Variants in ZFHX3 observed in about 807,000 individuals in gnomAD.
The protein encoded by ZFHX3 is zinc finger homeobox 3, also known as zinc finger homeobox protein 3.
Under a neutral mutation model 279.1 loss-of-function variants are expected in ZFHX3, and 42 were observed. That is an observed-to-expected ratio of 0.15 (90% CI 0.12 to 0.19). The LOEUF is 0.19. ZFHX3 is among the 10% of genes least tolerant of loss of function. ZFHX3 has a pLI of 1.00. For missense variants in ZFHX3, 4,981 were observed against 4,754.0 expected (o/e 1.05, Z -1.40); for synonymous variants, 2,293 against 1,957.8 (o/e 1.17, Z -4.52).
intron 3 of ZFHX3, among the ~76,000 whole-genome samples, chr16:73,452,661 T>C (rs560248959): frequency 1.3e-5 from 2 of 152,334 alleles, no homozygotes; most frequent in East Asian, 3.9e-4. Flanking sequence ...ACTAAGACAT[T>C]TGTGAAGACC....
At chr16:73,059,711 T>G (rs1965656880), upstream of ZFHX3, 1 of 152,124 alleles carries the variant, frequency 6.6e-6, no homozygotes, top group African/African-American at 2.4e-5. Context: ...AAATCTGAGA[T>G]TTTTTAACTG....
Position 72,981,274 on chromosome 16 carries a change from C to T in ZFHX3, c.-49-21080G>A, listed in dbSNP as rs1312468887. Reference sequence around the variant, plus strand: ...CAATATGCATCACGCCTGGGCATAGCACCTGACAGCCTTTATAAGTGGTAG... The same window carrying T: ...CAATATGCATCACGCCTGGGCATAGTACCTGACAGCCTTTATAAGTGGTAG... On this transcript the variant is annotated intron_variant, in intron 1 of 9. Coordinates refer to ENST00000268489, the MANE Select transcript of ZFHX3 (RefSeq NM_006885.4). Among the ~76,000 whole-genome samples, 7 of 152,248 alleles carry T rather than the reference C, an allele frequency of 4.6e-5. No individual in the cohort carries two copies. In the South Asian group the frequency reaches 1.2e-3, roughly 27 times the overall value.
At chr16:73,304,132 G>A (rs537308288) in intron 4 of ZFHX3, among the ~76,000 whole-genome samples, 4 of 152,226 alleles carry the variant, frequency 2.6e-5, no homozygotes, top group African/African-American at 9.6e-5. Flanking sequence ...TCAGCCTCAC[G>A]GAGCTTGCAG....
At chr16:73,097,060 C>G (rs1966173038) in intron 7 of ZFHX3, among the ~76,000 whole-genome samples, 1 of 151,744 alleles carries the variant, frequency 6.6e-6, no homozygotes, top group Non-Finnish European at 1.5e-5. Flanking sequence ...CCTTCCCTCC[C>G]TTCCTTCTTT....
intron 7 of ZFHX3, among the ~76,000 whole-genome samples, chr16:72,811,313 G>C (rs1358946676): frequency 1.3e-5 from 2 of 152,174 alleles, no homozygotes; most frequent in Non-Finnish European, 2.9e-5. Context: ...TCATATAAAT[G>C]GTTAGCTAAT....
At chr16:73,138,251 G>A (rs1222208155) in intron 6 of ZFHX3, among the ~76,000 whole-genome samples, 1 of 152,186 alleles carries the variant, frequency 6.6e-6, no homozygotes, top group Non-Finnish European at 1.5e-5. Flanking sequence ...ACATTGCAAT[G>A]TAATCACCCA....
intron 1 of ZFHX3, among the ~76,000 whole-genome samples, chr16:73,878,236 A>G (rs2030017505): frequency 6.6e-6 from 1 of 152,200 alleles, no homozygotes; most frequent in Non-Finnish European, 1.5e-5. Flanking sequence ...GAAACAGAAT[A>G]TCATGAAAAT....
intron 3 of ZFHX3, among the ~76,000 whole-genome samples, chr16:73,417,893 G>A (rs1253187423): frequency 1.4e-5 from 2 of 147,994 alleles, no homozygotes; most frequent in East Asian, 4.1e-4. Context: ...GGAGGCTGAG[G>A]CATGAGAATG....
Position 72,959,529 on chromosome 16 carries a change from T to C in ZFHX3, c.617A>G (p.Lys206Arg). 1 of 1,614,198 alleles carries C rather than the reference T, an allele frequency of 6.2e-7. No individual in the cohort carries two copies. The highest frequency in any genetic ancestry group is 2.2e-5 in the East Asian group (1 of 44,878). Residue 206 changes from lysine (K) to arginine (R), a missense_variant, in exon 2 of 10, where the codon AAA becomes AGA. Lys to Arg is a conservative substitution (Grantham distance 26). Around this residue, in one of 7 missense-constraint regions of ZFHX3, gnomAD observed 1,068 missense variants for 935.2 expected, o/e 1.14. Coordinates refer to ENST00000268489, the MANE Select transcript of ZFHX3 (RefSeq NM_006885.4). The part of the protein sequence containing the change: ...NTFHIASSFG[K>R]WFEGPDQAFP... Reference sequence around the variant, plus strand: ...AGCCTGGTCTGGGCCCTCAAACCATTTCCCGAAGGATGAGGCTATGTGGAA... The same window carrying C: ...AGCCTGGTCTGGGCCCTCAAACCATCTCCCGAAGGATGAGGCTATGTGGAA...
chr16:72,887,078 C>G (rs1418527092), intron 4 of ZFHX3, among the ~76,000 whole-genome samples: 1 of 152,242 alleles, frequency 6.6e-6, no homozygotes, highest in African/African-American at 2.4e-5. Flanking sequence ...ACCTCAACCA[C>G]TCTAGCAAGG....
chr16:73,189,948 A>T (rs74028083), intron 5 of ZFHX3, among the ~76,000 whole-genome samples: 28,378 of 152,206 alleles, frequency 0.19, 3,113 homozygotes, highest in Middle Eastern at 0.35. Flanking sequence ...TAAAAAAAAA[A>T]TTAAAAACTA....
intron 1 of ZFHX3, among the ~76,000 whole-genome samples, chr16:73,033,293 C>T (rs1044888196): frequency 2.0e-5 from 3 of 152,142 alleles, no homozygotes; most frequent in Non-Finnish European, 4.4e-5. Context: ...GGGTTAAATG[C>T]CCAGTGTCTG....
chr16:73,308,663 G>C (rs1294494228), intron 4 of ZFHX3, among the ~76,000 whole-genome samples: 1 of 152,026 alleles, frequency 6.6e-6, no homozygotes, highest in Non-Finnish European at 1.5e-5. Flanking sequence ...TGAGGAACTT[G>C]ATTAAGTAGT....
At chr16:72,904,186 C>T (rs2039110105) in intron 3 of ZFHX3, among the ~76,000 whole-genome samples, 1 of 151,890 alleles carries the variant, frequency 6.6e-6, no homozygotes, top group Admixed American at 6.6e-5. Flanking sequence ...GCCAACATGG[C>T]AAAACCCCAC....
chr16:73,130,939 A>G, intron 7 of ZFHX3: 2 of 1,300,074 alleles, frequency 1.5e-6, no homozygotes, highest in Non-Finnish European at 2.0e-6. Context: ...GCAAATGGCT[A>G]GGGGCACTAT....
chr16:73,427,464 C>T (rs2017829118), intron 3 of ZFHX3, among the ~76,000 whole-genome samples: 2 of 152,114 alleles, frequency 1.3e-5, no homozygotes, highest in Non-Finnish European at 2.9e-5. Flanking sequence ...ACCTGGGCAC[C>T]AGCTACCTGC....
chr16:73,307,769 G>A (rs1305203782), intron 4 of ZFHX3, among the ~76,000 whole-genome samples: 1 of 152,140 alleles, frequency 6.6e-6, no homozygotes, highest in Non-Finnish European at 1.5e-5. Context: ...CCCACGAGGT[G>A]ATGATAATTT....
chr16:73,780,191 G>T (rs551428891), intron 1 of ZFHX3, among the ~76,000 whole-genome samples: 1 of 129,564 alleles, frequency 7.7e-6, no homozygotes, highest in South Asian at 2.5e-4. Flanking sequence ...CCCCAAGCTG[G>T]GGTGCAGGTG....
At chr16:73,311,058 C>A (rs1190637952) in intron 4 of ZFHX3, among the ~76,000 whole-genome samples, 1 of 151,322 alleles carries the variant, frequency 6.6e-6, no homozygotes, top group Non-Finnish European at 1.5e-5. Flanking sequence ...CATGGTGAGA[C>A]CCTGTCTTTA....
Sources: allele counts gnomAD v4.1 joint callset (sites outside exome capture counted in the v4.1 genomes callset), GRCh38; gene constraint gnomAD v4.1.1; regional missense constraint gnomAD v4.1.1; transcripts MANE v1.5; gene names NCBI Gene and HGNC (gene_info 2026-07-23, HGNC 2026-07-21).